Variants in CSMD3 observed in about 807,000 individuals in gnomAD.
CSMD3 encodes CUB and sushi domain-containing protein 3.
A neutral mutation model predicts 435.2 loss-of-function variants in CSMD3; 177 were observed. That is an observed-to-expected ratio of 0.41 (90% CI 0.36 to 0.46). CSMD3 has a LOEUF of 0.46. Ranked by LOEUF, CSMD3 falls within the 20% of genes least tolerant of loss-of-function variation. The pLI is 0.34. For missense variants in CSMD3, 4,265 were observed against 4,504.6 expected, an observed-to-expected ratio of 0.95 and a Z score of 1.52; for synonymous variants, 1,656 against 1,520.5, an observed-to-expected ratio of 1.09 and a Z score of -2.07.
intron 13 of CSMD3, among the ~76,000 whole-genome samples, chr8:112,763,666 G>C (rs2077900780): frequency 6.7e-6 from 1 of 148,876 alleles, no homozygotes; most frequent in Admixed American, 6.8e-5. Flanking sequence ...GTTACTTCGT[G>C]TTAAAAGAAA....
At chr8:112,996,297 G>A (rs574770227) in intron 6 of CSMD3, among the ~76,000 whole-genome samples, 3 of 151,386 alleles carry the variant, frequency 2.0e-5, no homozygotes, top group South Asian at 2.1e-4. Context: ...TTTTACTCTC[G>A]ACTTCTATGA....
chr8:112,587,550 A>C (rs1830835581), intron 22 of CSMD3, among the ~76,000 whole-genome samples: 1 of 151,818 alleles, frequency 6.6e-6, no homozygotes, highest in Non-Finnish European at 1.5e-5. Context: ...TACATTTGTG[A>C]TTTCTGATAA....
At position 113,380,360 on chromosome 8, in the gene CSMD3, G is replaced by A. The variant is rs537269160; in HGVS notation, c.178+56317C>T. On this transcript the variant is annotated intron_variant, in intron 1 of 70. Coordinates refer to ENST00000297405, the MANE Select transcript of CSMD3 (RefSeq NM_198123.2). ...CTAAGGTATGAATAAAACAATAGTC[G>A]AAAACTCCCTATCTCTGAACGATAT... 2.0e-5 allele frequency among the ~76,000 whole-genome samples: 3 copies of A among 151,848 alleles called. No homozygotes were observed. In the East Asian group the frequency reaches 5.8e-4, roughly 29 times the overall value.
chr8:113,117,017 G>A (rs149696008), intron 4 of CSMD3, among the ~76,000 whole-genome samples: 243 of 152,254 alleles, frequency 1.6e-3, no homozygotes, highest in African/African-American at 5.7e-3. Context: ...GCAACCTGAT[G>A]GTGTGACAGA....
chr8:112,388,301 G>C (rs1830134757), intron 36 of CSMD3, among the ~76,000 whole-genome samples: 1 of 152,132 alleles, frequency 6.6e-6, no homozygotes, highest in African/African-American at 2.4e-5. Flanking sequence ...GAAAATGATA[G>C]TATTAGATTT....
At chr8:112,540,379 C>T (rs1826546301) in intron 27 of CSMD3, among the ~76,000 whole-genome samples, 1 of 151,862 alleles carries the variant, frequency 6.6e-6, no homozygotes, top group Non-Finnish European at 1.5e-5. Flanking sequence ...ATGGAGTTTC[C>T]CTTAAAAGCT....
intron 3 of CSMD3, among the ~76,000 whole-genome samples, chr8:113,278,270 C>T (rs2093586711): frequency 6.6e-6 from 1 of 151,768 alleles, no homozygotes; most frequent in Non-Finnish European, 1.5e-5. Context: ...GGTAGACTGG[C>T]ACAGCACAAG....
intron 1 of CSMD3, among the ~76,000 whole-genome samples, chr8:113,347,254 C>T (rs1178671204): frequency 3.3e-5 from 5 of 152,164 alleles, no homozygotes; most frequent in Non-Finnish European, 5.9e-5. Context: ...CTTTTCTTCA[C>T]TGCAGAAACA....
chr8:112,725,214 GA>G (rs1491001551), intron 13 of CSMD3, among the ~76,000 whole-genome samples: 1 of 151,888 alleles, frequency 6.6e-6, no homozygotes, highest in Non-Finnish European at 1.5e-5. Flanking sequence ...CGTAAAGATA[GA>G]AAACATGACT....
intron 5 of CSMD3, among the ~76,000 whole-genome samples, chr8:113,055,749 T>C (rs2088303360): frequency 6.6e-6 from 1 of 152,208 alleles, no homozygotes; most frequent in African/African-American, 2.4e-5. Flanking sequence ...TTTTCAGGGA[T>C]AGCAGAGTTT....
chr8:113,015,924 T>G (rs954755811), intron 6 of CSMD3, among the ~76,000 whole-genome samples: 8 of 151,916 alleles, frequency 5.3e-5, no homozygotes, highest in Non-Finnish European at 1.2e-4. Context: ...AAGAAAAGTT[T>G]TACTATTTAG....
At chr8:112,557,864 A>C (rs1336238560) in intron 24 of CSMD3, among the ~76,000 whole-genome samples, 1 of 151,918 alleles carries the variant, frequency 6.6e-6, no homozygotes, top group Non-Finnish European at 1.5e-5. Flanking sequence ...CTCAAGGAGG[A>C]AGTTATGGGA....
intron 4 of CSMD3, among the ~76,000 whole-genome samples, chr8:113,124,488 A>T (rs2091071342): frequency 1.3e-5 from 1 of 76,218 alleles, no homozygotes; most frequent in African/African-American, 1.1e-4. Flanking sequence ...CTTGTGGGAA[A>T]AAAGAAAAAA....
chr8:112,834,290 G>C (rs992475106), intron 11 of CSMD3, among the ~76,000 whole-genome samples: 1 of 151,800 alleles, frequency 6.6e-6, no homozygotes, highest in African/African-American at 2.4e-5. Flanking sequence ...TTACTGAGAA[G>C]CTAGAATATT....
rs1323840435 is a variant in CSMD3 at position 113,074,200 on chromosome 8, C to T, written c.917+24556G>A. Among the ~76,000 whole-genome samples, 7 of 151,360 alleles carry T rather than the reference C, an allele frequency of 4.6e-5. No individual in the cohort carries two copies. The East Asian group carries it at 1.4e-3, about 29-fold the overall frequency. On this transcript the variant is annotated intron_variant, in intron 5 of 70. Transcript: ENST00000297405. ...ACACACACACACACACGCCACCTTGCTTTCTGTTGATCTGTCATCACATAT... is the reference window on the plus strand; with the variant it reads ...ACACACACACACACACGCCACCTTGTTTTCTGTTGATCTGTCATCACATAT...
chr8:112,911,385 T>C (rs1312337065), intron 10 of CSMD3, among the ~76,000 whole-genome samples: 1 of 151,852 alleles, frequency 6.6e-6, no homozygotes, highest in Non-Finnish European at 1.5e-5. Context: ...TCACATACTT[T>C]TGTGTGGCGA....
chr8:112,939,813 A>G (rs893403315), intron 9 of CSMD3, among the ~76,000 whole-genome samples: 1 of 152,010 alleles, frequency 6.6e-6, no homozygotes, highest in African/African-American at 2.4e-5. Context: ...GGTAAAGTAG[A>G]TTCAATAAAA....
chr8:112,746,973 C>T (rs2077441096), intron 13 of CSMD3, among the ~76,000 whole-genome samples: 1 of 151,832 alleles, frequency 6.6e-6, no homozygotes, highest in South Asian at 2.1e-4. Context: ...TTTACTTGAC[C>T]TCCTCATTTC....
In CSMD3 at chr8:112,348,583, CA is replaced by C. The variant is rs895154829; in HGVS notation, c.6326-2371del. Among the ~76,000 whole-genome samples the C allele has an allele frequency of 3.3e-5, 5 of 149,818 alleles. No homozygotes were observed. In the East Asian group the frequency reaches 5.9e-4, roughly 18 times the overall value. ...CTTATTGTTCAAAATTTATAAAATA[CA>C]AAAAAAAAGAGTAAAAAGGAATTTA... On this transcript the variant is annotated intron_variant, in intron 40 of 70. Transcript: ENST00000297405.
Sources: gnomAD v4.1 joint callset for allele counts (sites outside exome capture counted in the v4.1 genomes callset) on GRCh38, gnomAD v4.1.1 for gene constraint, MANE v1.5 for transcripts, NCBI Gene and HGNC (gene_info 2026-07-23, HGNC 2026-07-21) for gene names.